MAP2K4: variants seen among roughly 807,000 people sequenced by gnomAD.
MAP2K4 encodes the protein dual specificity mitogen-activated protein kinase kinase 4.
In MAP2K4, 4 loss-of-function variants were observed where a neutral mutation model predicts 48.5. The ratio of observed to expected loss-of-function variants is 0.08; its 90% CI spans 0.04 to 0.19. The LOEUF is 0.19. Ranked by LOEUF, MAP2K4 falls within the 10% of genes least tolerant of loss-of-function variation. The pLI, the probability that MAP2K4 is intolerant of heterozygous loss-of-function variation, is 1.00. For synonymous variants in MAP2K4, 166 were observed against 173.1 expected, an observed-to-expected ratio of 0.96 and a Z score of 0.32; for missense variants, 258 against 493.3, an observed-to-expected ratio of 0.52 and a Z score of 4.52.
At chr17:12,021,560 C>T (rs1969056854) in intron 1 of MAP2K4, 1 of 149,516 alleles carries the variant, frequency 6.7e-6, no homozygotes, top group East Asian at 2.0e-4. Flanking sequence ...CTACGGGGGC[C>T]TCTTGGAACC....
At chr17:12,097,500 C>T (rs192053624) in intron 4 of MAP2K4, among the ~76,000 whole-genome samples, 1 of 152,264 alleles carries the variant, frequency 6.6e-6, no homozygotes, top group East Asian at 1.9e-4. Flanking sequence ...AAACAAAGCA[C>T]GGAAGCTTGG....
intron 2 of MAP2K4, among the ~76,000 whole-genome samples, chr17:12,072,834 G>C (rs185740855): frequency 6.6e-6 from 1 of 152,250 alleles, no homozygotes; most frequent in Admixed American, 6.5e-5. Flanking sequence ...TTAAATAAGT[G>C]TCTCAAAAAT....
At chr17:12,063,169 A>G (rs185070840) in intron 2 of MAP2K4, among the ~76,000 whole-genome samples, 1 of 152,310 alleles carries the variant, frequency 6.6e-6, no homozygotes, top group African/African-American at 2.4e-5. Flanking sequence ...GCTAAAAACA[A>G]TTTGTAAAAC....
intron 1 of MAP2K4, among the ~76,000 whole-genome samples, chr17:12,022,880 C>A (rs1461004104): frequency 1.3e-5 from 2 of 152,174 alleles, no homozygotes; most frequent in Non-Finnish European, 2.9e-5. Context: ...CCCTCTTTTA[C>A]CTGAAGACGG....
intron 9 of MAP2K4, among the ~76,000 whole-genome samples, chr17:12,134,282 T>C (rs1295490979): frequency 6.6e-6 from 1 of 152,200 alleles, no homozygotes; most frequent in Non-Finnish European, 1.5e-5. Flanking sequence ...TTTCAGTGAT[T>C]CGGAGAATTG....
At chr17:12,025,166 A>C (rs1969217332) in intron 1 of MAP2K4, among the ~76,000 whole-genome samples, 1 of 152,190 alleles carries the variant, frequency 6.6e-6, no homozygotes, top group Admixed American at 6.5e-5. Flanking sequence ...CTGGACTTAG[A>C]CTCAGAAAAC....
At chr17:12,071,702 T>C (rs529373806) in intron 2 of MAP2K4, among the ~76,000 whole-genome samples, 4 of 152,234 alleles carry the variant, frequency 2.6e-5, no homozygotes, top group African/African-American at 7.2e-5. Context: ...CTGGGAAATA[T>C]ATATATATGA....
intron 1 of MAP2K4, among the ~76,000 whole-genome samples, chr17:12,052,206 A>G (rs1970163549): frequency 6.6e-6 from 1 of 152,198 alleles, no homozygotes; most frequent in African/African-American, 2.4e-5. Context: ...TTCGAAACCT[A>G]CAGAATTACT....
intron 10 of MAP2K4, among the ~76,000 whole-genome samples, 199 bp downstream of exon 10, chr17:12,140,083 A>C (rs1226722943): frequency 6.6e-6 from 1 of 152,214 alleles, no homozygotes; most frequent in Non-Finnish European, 1.5e-5. Context: ...ATACTAGCTA[A>C]ATTCTCATGG....
intron 7 of MAP2K4, among the ~76,000 whole-genome samples, chr17:12,114,103 G>A (rs1972400106): frequency 1.3e-5 from 2 of 152,166 alleles, no homozygotes; most frequent in South Asian, 4.1e-4. Flanking sequence ...CCTGCCAGCA[G>A]CATTTCTTTC....
chr17:12,052,702 A>G (rs1029738001), intron 1 of MAP2K4, among the ~76,000 whole-genome samples: 3 of 152,318 alleles, frequency 2.0e-5, no homozygotes, highest in South Asian at 4.1e-4. Context: ...ACTACATGAC[A>G]TATGCTCAGT....
chr17:12,032,654 T>C (rs909065581), intron 1 of MAP2K4, among the ~76,000 whole-genome samples: 1 of 152,208 alleles, frequency 6.6e-6, no homozygotes, highest in Non-Finnish European at 1.5e-5. Flanking sequence ...TATAGAGTTA[T>C]ATTCAGACAT....
intron 1 of MAP2K4, chr17:12,032,227 T>C: frequency 4.8e-6 from 6 of 1,247,408 alleles, no homozygotes; most frequent in South Asian, 1.8e-5. Context: ...TTTGTTTGAT[T>C]TACAGTAAAT....
chr17:12,136,304 A>G (rs1270250450), intron 9 of MAP2K4, among the ~76,000 whole-genome samples: 2 of 152,254 alleles, frequency 1.3e-5, no homozygotes, highest in African/African-American at 2.4e-5. Context: ...AAGTTTAAAG[A>G]AAAAGAGGCA....
chr17:12,070,030 A>G (rs969877714), intron 2 of MAP2K4, among the ~76,000 whole-genome samples: 2 of 147,718 alleles, frequency 1.4e-5, no homozygotes, highest in Non-Finnish European at 3.0e-5. Context: ...TGCTTAGGAA[A>G]AAGAAGGAAG....
chr17:12,123,721 T>C (rs1248345469), intron 7 of MAP2K4, among the ~76,000 whole-genome samples: 2 of 152,232 alleles, frequency 1.3e-5, no homozygotes, highest in African/African-American at 4.8e-5. Context: ...TTTGGGAAGT[T>C]GTAATTTCAT....
chr17:12,043,151 CTA>C (rs1442094308), intron 1 of MAP2K4, among the ~76,000 whole-genome samples: 12 of 152,098 alleles, frequency 7.9e-5, no homozygotes, highest in African/African-American at 2.9e-4. Context: ...TGTAAATCAA[CTA>C]TTGATATATG....
chr17:12,126,048 G>T (rs1203150779), intron 8 of MAP2K4, among the ~76,000 whole-genome samples: 1 of 152,102 alleles, frequency 6.6e-6, no homozygotes, highest in African/African-American at 2.4e-5. Context: ...CAGGTCTCAT[G>T]AGAACTCTAT....
chr17:12,081,475 A>C lies in MAP2K4; in HGVS notation c.338A>C (p.Tyr113Ser). The C allele has an allele frequency of 6.2e-7, 1 of 1,614,148 alleles. No individual in the cohort carries two copies. The highest frequency in any genetic ancestry group is 8.5e-7 in the Non-Finnish European group (1 of 1,180,018). ...KDLGEIGRGA[Y>S]GSVNKMVHKP... The stretch of plus-strand genomic sequence containing the variant: ...CTTGGAGAAATTGGACGAGGAGCTT[A>C]TGGTTCTGTCAACAAAATGGTCCAC... Residue 113 changes from tyrosine (Y) to serine (S), a missense_variant, in exon 3 of 11, where the codon TAT (tyrosine) becomes TCT (serine). By Grantham distance (144) the Tyr-to-Ser change is moderately radical. Around this residue, in one of 3 missense-constraint regions of MAP2K4, gnomAD observed 132 missense variants for 352.8 expected, o/e 0.37. Coordinates refer to ENST00000353533, the MANE Select transcript of MAP2K4 (RefSeq NM_003010.4). This position sits in a 1 kb window ranked among gnomAD's most constrained non-coding sequence, Gnocchi z 4.2.
Sources: gnomAD v4.1 joint callset for allele counts (sites outside exome capture counted in the v4.1 genomes callset) on GRCh38, gnomAD v4.1.1 for gene constraint, gnomAD v4.1.1 regional missense constraint, Gnocchi (gnomAD v3.1) non-coding constraint, MANE v1.5 for transcripts, NCBI Gene and HGNC (gene_info 2026-07-23, HGNC 2026-07-21) for gene names.